Variants in USP6 observed in about 807,000 individuals in gnomAD.
USP6 encodes ubiquitin carboxyl-terminal hydrolase 6.
Under a neutral mutation model 175.7 loss-of-function variants are expected in USP6, and 128 were observed. That is an observed-to-expected ratio of 0.73 (90% CI 0.63 to 0.84). USP6 has a LOEUF of 0.84. Ranked by LOEUF, USP6 falls within the 40% of genes least tolerant of loss-of-function variation. The pLI, the probability that USP6 is intolerant of heterozygous loss-of-function variation, is 0.00. For synonymous variants in USP6, 562 were observed against 630.6 expected (o/e 0.89, Z 1.63); for missense variants, 1,498 against 1,760.3 (o/e 0.85, Z 2.67).
intron 22 of USP6, 96 bp from the exon 23 acceptor site, chr17:5,141,329 A>T: frequency 9.1e-7 from 1 of 1,104,168 alleles, no homozygotes; most frequent in Non-Finnish European, 1.3e-6. Context: ...CTTCCGATTT[A>T]GGAATAAGAT....
chr17:5,170,682 G>C lies in USP6; in HGVS notation c.3721G>C (p.Asp1241His), dbSNP rs1469348197. Reference protein sequence around the residue: ...NGAGQICELADALSRGHMRGG... With the variant: ...NGAGQICELAHALSRGHMRGG... Reference sequence around the variant, plus strand: ...GGCTGGGCAGATCTGTGAGCTGGCTGACGCCTTGAGCCGAGGGCATATGCG... The same window carrying C: ...GGCTGGGCAGATCTGTGAGCTGGCTCACGCCTTGAGCCGAGGGCATATGCG... The change falls in exon 36 of 38, where the codon GAC (aspartate) becomes CAC (histidine). Residue 1241 changes from aspartate (D) to histidine (H), a missense_variant. Asp to His is a moderately conservative substitution (Grantham distance 81). This residue lies in a region of USP6 where 1,217 missense variants were observed against 1,500.8 expected (regional missense o/e 0.81). Coordinates refer to ENST00000574788, the MANE Select transcript of USP6 (RefSeq NM_001304284.2). 6.2e-7 allele frequency: 1 copy of C among 1,613,970 alleles called. No individual in the cohort carries two copies. Among genetic ancestry groups the C allele is most frequent in the African/African-American group, 1.3e-5 (1 of 75,048 alleles).
rs34643191 is a variant in USP6, at chr17:5,159,963, C to CAA, written c.2829-1548_2829-1547dup. Among the ~76,000 whole-genome samples the CAA allele has an allele frequency of 3.4e-3, 369 of 108,642 alleles. 1 individual carries two copies. Among genetic ancestry groups the CAA allele is most frequent in the Non-Finnish European group, 5.3e-3 (258 of 49,030 alleles). 71.3% of individuals were successfully genotyped at this position (108,642 alleles called of 152,430 possible). ...TGGGCAACAGAGTGATACCCCGTCTCAAAAAAAAAAAAAAAAAATGGAAAA... is the reference window on the plus strand; with the variant it reads ...TGGGCAACAGAGTGATACCCCGTCTCAAAAAAAAAAAAAAAAAAAATGGAAAA... On this transcript the variant is annotated intron_variant, in intron 31 of 37. Coordinates refer to ENST00000574788, the MANE Select transcript of USP6 (RefSeq NM_001304284.2).
chr17:5,129,760 T>C (rs1179022828), intron 8 of USP6, 176 bp from the exon 9 acceptor site: 1 of 158,818 alleles, frequency 6.3e-6, no homozygotes, highest in African/African-American at 2.4e-5. Flanking sequence ...ATGGTTTCCA[T>C]GAGCACAGTG....
intron 28 of USP6, 70 bp downstream of exon 28, chr17:5,146,244 A>G: frequency 6.6e-7 from 1 of 1,504,678 alleles, no homozygotes; most frequent in Admixed American, 2.0e-5. Context: ...AATTATGATG[A>G]TCAGTTGTTA....
intron 14 of USP6, 71 bp downstream of exon 14, chr17:5,133,621 G>A (rs1270333183): frequency 5.8e-6 from 6 of 1,027,954 alleles, no homozygotes; most frequent in Non-Finnish European, 7.3e-6. Context: ...TGGAGGGAAC[G>A]TCAAGCCCAC....
At chr17:5,137,804 C>G in intron 20 of USP6, 54 bp downstream of exon 20, 2 of 1,600,008 alleles carry the variant, frequency 1.2e-6, no homozygotes, top group Non-Finnish European at 1.7e-6. Flanking sequence ...CAGACCCCGA[C>G]TGGCCCAAGG....
In USP6 at chr17:5,144,753, C is replaced by T. The variant is rs143936764; in HGVS notation, c.1882C>T (p.Leu628=). ...TCAGCAACAAGACTCCCAAGAACTT[C>T]TGGCTTTTCTCTTGGATGGTCTTCA... ...GFQQQDSQEL[L]AFLLDGLHED... is the part of the protein sequence containing the mutation. The change falls in exon 26 of 38, where the codon CTG becomes TTG. Residue 628 remains leucine (L), a synonymous_variant. Coordinates refer to ENST00000574788, the MANE Select transcript of USP6 (RefSeq NM_001304284.2). 44 of 1,613,700 alleles carry T rather than the reference C, an allele frequency of 2.7e-5. No homozygotes were observed. The highest frequency in any genetic ancestry group is 3.6e-5 in the Non-Finnish European group (42 of 1,179,842).
At chr17:5,166,148 G>A (rs2074091705) in intron 33 of USP6, among the ~76,000 whole-genome samples, 1 of 151,954 alleles carries the variant, frequency 6.6e-6, no homozygotes, top group African/African-American at 2.4e-5. Flanking sequence ...TTTTCCTTGA[G>A]TGACCAGTTC....
In USP6 at chr17:5,148,869, T is replaced by G. The variant is rs1474934035; in HGVS notation, c.2643+102T>G. On this transcript the variant is annotated intron_variant, in intron 30 of 37. Transcript: ENST00000574788. The stretch of plus-strand genomic sequence containing the variant: ...CATCATTGAATGCATTTTCTTCTCT[T>G]TTTTCTTTAATTTTTAAAAATTTAA... 3.3e-6 allele frequency: 5 copies of G among 1,495,760 alleles called. No homozygotes were observed. In the African/African-American group the frequency reaches 7.1e-5, roughly 21 times the overall value. 92.7% of individuals were successfully genotyped at this position (1,495,760 alleles called of 1,614,324 possible). A position where few individuals can be genotyped will look rare whatever the true frequency, so the allele number is the denominator to read the frequency against.
rs1311359794 is a variant in USP6 at position 5,144,663 on chromosome 17, TG to T, written c.1819-26del. 12 of 1,608,560 alleles carry T rather than the reference TG, an allele frequency of 7.5e-6. No homozygotes were observed. The South Asian group carries it at 1.1e-4, about 15-fold the overall frequency. On this transcript the variant is annotated intron_variant, in intron 25 of 37. Transcript: ENST00000574788. ...TCCAAATTTTATGGGTAGGAAATAA[TG>T]ACTGTGACTTCTCTTATATTTATAG...
chr17:5,135,186 A>G, intron 15 of USP6, 48 bp from the exon 16 acceptor site: 1 of 1,596,362 alleles, frequency 6.3e-7, no homozygotes. Flanking sequence ...AGTGAAACTA[A>G]CAGCATCTGC....
At chr17:5,131,908 C>T (rs1315747574) in intron 11 of USP6, among the ~76,000 whole-genome samples, 2 of 152,102 alleles carry the variant, frequency 1.3e-5, no homozygotes, top group African/African-American at 4.8e-5. Context: ...TCAGAACCTG[C>T]AAGAGCCTTG....
chr17:5,122,588 C>T (rs371670215), intron 4 of USP6, among the ~76,000 whole-genome samples: 28 of 152,258 alleles, frequency 1.8e-4, no homozygotes, highest in African/African-American at 6.8e-4. Context: ...CTCCCCAGCC[C>T]AACCCAGCCC....
intron 31 of USP6, among the ~76,000 whole-genome samples, chr17:5,156,486 G>A (rs1015999601): frequency 6.7e-6 from 1 of 148,962 alleles, no homozygotes; most frequent in Non-Finnish European, 1.5e-5. Flanking sequence ...TTGTTTTTTT[G>A]GTAGAGATGG....
intron 30 of USP6, among the ~76,000 whole-genome samples, chr17:5,152,956 A>AC (rs1407472158): frequency 6.6e-6 from 1 of 152,234 alleles, no homozygotes; most frequent in Non-Finnish European, 1.5e-5. Context: ...AGATCACACC[A>AC]CTATGCTCCA....
intron 22 of USP6, 112 bp downstream of exon 22, chr17:5,139,786 G>A (rs556869963): frequency 1.9e-6 from 3 of 1,595,148 alleles, no homozygotes; most frequent in South Asian, 2.2e-5. Flanking sequence ...CTAGGGACGA[G>A]CAGCAGTGCG....
At chr17:5,142,308 T>C in intron 24 of USP6, 89 bp from the exon 25 acceptor site, 1 of 1,544,998 alleles carries the variant, frequency 6.5e-7, no homozygotes, top group Non-Finnish European at 8.7e-7. Context: ...AAAGAAAAGA[T>C]ATTTTGATGT....
chr17:5,117,494 C>A (rs548477900), intron 1 of USP6, among the ~76,000 whole-genome samples: 66 of 144,644 alleles, frequency 4.6e-4, no homozygotes, highest in South Asian at 1.1e-3. Flanking sequence ...CCAGCCTGGG[C>A]GACAGAGCGA....
chr17:5,170,706 C>G lies in USP6; in HGVS notation c.3745C>G (p.Arg1249Gly), dbSNP rs766078594. Reference sequence around the variant, plus strand: ...TGACGCCTTGAGCCGAGGGCATATGCGGGGGGGCAGCCAACCAGAGCTGGT... The same window carrying G: ...TGACGCCTTGAGCCGAGGGCATATGGGGGGGGGCAGCCAACCAGAGCTGGT... ...LADALSRGHM[R>G]GGSQPELVTP... Residue 1249 changes from arginine to glycine, a missense_variant, in exon 36 of 38, where the codon CGG becomes GGG. This residue lies in a region of USP6 where 1,217 missense variants were observed against 1,500.8 expected (regional missense o/e 0.81). Coordinates refer to ENST00000574788, the MANE Select transcript of USP6 (RefSeq NM_001304284.2). 13 of 1,613,644 alleles carry G rather than the reference C, an allele frequency of 8.1e-6. No individual in the cohort carries two copies. The highest frequency in any genetic ancestry group is 1.6e-4 in the Middle Eastern group (1 of 6,070).
Sources: gnomAD v4.1 joint callset for allele counts (sites outside exome capture counted in the v4.1 genomes callset) on GRCh38, gnomAD v4.1.1 for gene constraint, gnomAD v4.1.1 regional missense constraint, MANE v1.5 for transcripts, NCBI Gene and HGNC (gene_info 2026-07-23, HGNC 2026-07-21) for gene names.